Variants in SNED1 observed in about 807,000 individuals in gnomAD.
SNED1 encodes the protein sushi, nidogen and EGF like domains 1.
Under a neutral mutation model 166.7 loss-of-function variants are expected in SNED1, and 81 were observed. The observed-to-expected ratio is 0.49, with a 90% confidence interval of 0.41 to 0.58. The LOEUF is 0.58. Ranked by LOEUF, SNED1 falls within the 20% of genes least tolerant of loss-of-function variation. The pLI, the probability that SNED1 is intolerant of heterozygous loss-of-function variation, is 0.00. For synonymous variants in SNED1, 762 were observed against 822.0 expected (o/e 0.93, Z 1.25); for missense variants, 1,604 against 2,000.2 (o/e 0.80, Z 3.78).
chr2:241,087,538 G>A (rs2063644843), intron 30 of SNED1, 63 bp downstream of exon 30: 1 of 1,536,400 alleles, frequency 6.5e-7, no homozygotes, highest in Admixed American at 2.1e-5. Flanking sequence ...ATGGGGCAAG[G>A]GCGGGGTGCT....
intron 8 of SNED1, 134 bp downstream of exon 8, chr2:241,040,547 TCTGCCCCCTTCCCACTCCCCAGCG>T (rs1246313748): frequency 1.4e-5 from 9 of 631,560 alleles, no homozygotes; most frequent in Non-Finnish European, 2.5e-5. Context: ...GGAGGATGCC[TCTGCCCCCTTCCCACTCCCCAGCG>T]CTTCCCGCTC....
At chr2:241,038,808 C>T (rs776616266) in intron 6 of SNED1, among the ~76,000 whole-genome samples, 3 of 152,332 alleles carry the variant, frequency 2.0e-5, no homozygotes, top group South Asian at 2.1e-4. Flanking sequence ...TCTCCCTGTG[C>T]GGTGCTGGCC....
chr2:241,090,374 T>C, intron 31 of SNED1: 1 of 1,550,298 alleles, frequency 6.5e-7, no homozygotes. Flanking sequence ...TGATGCCTTC[T>C]TCTGGAAACC....
chr2:241,046,591 G>A (rs766419012), intron 8 of SNED1, among the ~76,000 whole-genome samples: 9 of 152,266 alleles, frequency 5.9e-5, no homozygotes, highest in Non-Finnish European at 8.8e-5. Flanking sequence ...GGCATTCTTC[G>A]TAAAACAAAA....
chr2:241,030,592 T>C lies in SNED1; in HGVS notation c.501+21T>C, dbSNP rs768764247. ...CCCCTGTGAGTCCAGGCACTTGTCC[T>C]GGGGAGGGTGGGTGTGTGGCTAGGG... On this transcript the variant is annotated intron_variant, in intron 2 of 31. Transcript: ENST00000310397. The C allele has an allele frequency of 1.7e-5, 27 of 1,609,196 alleles. 1 individual carries two copies. The South Asian group carries it at 2.9e-4, about 17-fold the overall frequency.
At chr2:241,078,339 C>T (rs1301394429) in intron 27 of SNED1, among the ~76,000 whole-genome samples, 5 of 147,890 alleles carry the variant, frequency 3.4e-5, no homozygotes, top group Non-Finnish European at 5.9e-5. Flanking sequence ...GGTGAGATCG[C>T]GCCACTGCAC....
At chr2:241,048,293 G>C in intron 8 of SNED1, 22 bp from the exon 9 acceptor site, 1 of 1,578,628 alleles carries the variant, frequency 6.3e-7, no homozygotes, top group Non-Finnish European at 8.6e-7. Flanking sequence ...GTGGCCGCTG[G>C]TGACTGCCGT....
intron 21 of SNED1, among the ~76,000 whole-genome samples, chr2:241,066,084 G>A (rs1195223905): frequency 6.6e-6 from 1 of 152,164 alleles, no homozygotes; most frequent in Admixed American, 6.5e-5. Flanking sequence ...GAAGAGCCGT[G>A]GGGCAGGCCC....
At chr2:241,074,938 G>A (rs369249266) in intron 27 of SNED1, 4 of 150,096 alleles carry the variant, frequency 2.7e-5, no homozygotes, top group East Asian at 1.9e-4. Context: ...TGGAAGGTGC[G>A]GGGAGTGATT....
intron 8 of SNED1, chr2:241,040,914 C>T (rs1213268800): frequency 4.4e-6 from 2 of 456,016 alleles, no homozygotes; most frequent in African/African-American, 4.1e-5. Context: ...ATTAAAAGGC[C>T]AACTGGAGAT....
rs1378501161 is a variant in SNED1 at position 241,092,664 on chromosome 2, T to C, written c.*1028T>C. 1 of 152,234 alleles carries C rather than the reference T, an allele frequency of 6.6e-6. No individual in the cohort carries two copies. Among genetic ancestry groups the C allele is most frequent in the East Asian group, 1.9e-4 (1 of 5,196 alleles). 9.4% of individuals were successfully genotyped at this position (152,234 alleles called of 1,614,324 possible). A position where few individuals can be genotyped will look rare whatever the true frequency, so the allele number is the denominator to read the frequency against. On this transcript the variant is annotated 3_prime_UTR_variant, in exon 32 of 32. Coordinates refer to ENST00000310397, the MANE Select transcript of SNED1 (RefSeq NM_001080437.3). This position sits in a 1 kb window ranked among gnomAD's most constrained non-coding sequence, Gnocchi z 4.6. ...CTTACAAGTCTCAGTGCAACAGAGA[T>C]GGACACCTGGGCTGGGCTGGACAAT...
chr2:241,030,115 G>A (rs1164203454), intron 1 of SNED1, among the ~76,000 whole-genome samples, 169 bp from the exon 2 acceptor site: 1 of 152,248 alleles, frequency 6.6e-6, no homozygotes, highest in Non-Finnish European at 1.5e-5. Context: ...AGCAGGCCAT[G>A]CTGGGCCCAT....
At chr2:241,028,066 A>G (rs977312400) in intron 1 of SNED1, among the ~76,000 whole-genome samples, 5 of 152,070 alleles carry the variant, frequency 3.3e-5, no homozygotes, top group African/African-American at 9.7e-5. Context: ...GATGTTGAAC[A>G]TGTTTCCAGG....
In SNED1 at chr2:241,030,331, C is replaced by G. The variant is rs758033383; in HGVS notation, c.261C>G (p.Phe87Leu). ...CCTTCCTGAAGGAGGTTTCTCAGTT[C>G]ACCCCAGTGGCCTTCCCCATTGCCA... ...IISFLKEVSQ[F>L]TPVAFPIAKD... The change falls in exon 2 of 32, where the codon TTC becomes TTG. Residue 87 changes from phenylalanine to leucine, a missense_variant. Coordinates refer to ENST00000310397, the MANE Select transcript of SNED1 (RefSeq NM_001080437.3). The G allele has an allele frequency of 6.2e-7, 1 of 1,606,114 alleles. No homozygotes were observed. Among genetic ancestry groups the G allele is most frequent in the South Asian group, 1.1e-5 (1 of 89,580 alleles).
chr2:241,050,495 C>G (rs976646499), intron 12 of SNED1, among the ~76,000 whole-genome samples: 1 of 152,126 alleles, frequency 6.6e-6, no homozygotes, highest in Non-Finnish European at 1.5e-5. Context: ...TGACCTGGCA[C>G]CCTCTCCAGG....
rs138682180 is a variant in SNED1 at position 241,091,700 on chromosome 2, G to C, written c.*64G>C. 3.9e-5 allele frequency: 6 copies of C among 152,338 alleles called. No homozygotes were observed. The highest frequency in any genetic ancestry group is 1.4e-4 in the African/African-American group (6 of 41,562). The allele number at this position is 152,338 out of a possible 1,614,324, so 9.4% of individuals were successfully genotyped here. A position where few individuals can be genotyped will look rare whatever the true frequency, so the allele number is the denominator to read the frequency against. On this transcript the variant is annotated 3_prime_UTR_variant, in exon 32 of 32. Transcript: ENST00000310397. The surrounding 1 kb of genome is among the most constrained non-coding windows in gnomAD (Gnocchi z 4.1). ...GAGTTTCTAACACCCAGGAAGATGAGGTCTAAAAACTGGATGAAAAAGGAC... is the reference window on the plus strand; with the variant it reads ...GAGTTTCTAACACCCAGGAAGATGACGTCTAAAAACTGGATGAAAAAGGAC...
intron 27 of SNED1, among the ~76,000 whole-genome samples, chr2:241,078,635 G>A (rs113073048): frequency 0.018 from 2,801 of 151,868 alleles, 50 homozygotes; most frequent in Middle Eastern, 0.041. Flanking sequence ...CAGGACTGGA[G>A]GGTGGAGGGG....
intron 27 of SNED1, among the ~76,000 whole-genome samples, chr2:241,080,916 GT>G (rs1298023418): frequency 6.6e-6 from 1 of 152,240 alleles, no homozygotes; most frequent in Non-Finnish European, 1.5e-5. Flanking sequence ...TCTCCAGCTG[GT>G]GAGGGCAGGA....
At position 240,999,168 on chromosome 2, in the gene SNED1, G is replaced by T. The variant is rs2060001019; in HGVS notation, c.213+118G>T. 2.1e-6 allele frequency: 1 copy of T among 487,506 alleles called. No homozygotes were observed. The allele number at this position is 487,506 out of a possible 1,614,324, so 30.2% of individuals were successfully genotyped here. On this transcript the variant is annotated intron_variant, in intron 1 of 31. Transcript: ENST00000310397. This position sits in a 1 kb window ranked among gnomAD's most constrained non-coding sequence, Gnocchi z 5.8. ...CAGCCACTTGGCACCGGGGCGGCCCGAGGTGGAATGAGGACAGCGCTTCCT... is the reference window on the plus strand; with the variant it reads ...CAGCCACTTGGCACCGGGGCGGCCCTAGGTGGAATGAGGACAGCGCTTCCT...
Sources: allele counts gnomAD v4.1 joint callset (sites outside exome capture counted in the v4.1 genomes callset), GRCh38; gene constraint gnomAD v4.1.1; non-coding constraint Gnocchi (gnomAD v3.1); transcripts MANE v1.5; gene names NCBI Gene and HGNC (gene_info 2026-07-23, HGNC 2026-07-21).